Variants in DENND1A observed in about 807,000 individuals in gnomAD.
The protein encoded by DENND1A is DENN domain-containing protein 1A.
Under a neutral mutation model 113.7 loss-of-function variants are expected in DENND1A, and 51 were observed. That is an observed-to-expected ratio of 0.45 (90% CI 0.36 to 0.57). DENND1A has a LOEUF of 0.57. DENND1A is among the 20% of genes least tolerant of loss of function. The probability of loss-of-function intolerance (pLI) is 0.00; values close to 1 mark genes in which losing one functional copy is unlikely to be tolerated. For synonymous variants in DENND1A, 565 were observed against 570.8 expected, an observed-to-expected ratio of 0.99 and a Z score of 0.14; for missense variants, 1,258 against 1,395.9, an observed-to-expected ratio of 0.90 and a Z score of 1.57.
intron 19 of DENND1A, chr9:123,413,318 G>A (rs571493374): frequency 1.8e-4 from 117 of 664,668 alleles, no homozygotes; most frequent in Middle Eastern, 1.5e-3. Context: ...GGATATATTG[G>A]GTTCATTATA....
chr9:123,562,201 C>A (rs1027524527), intron 12 of DENND1A, among the ~76,000 whole-genome samples: 2 of 152,208 alleles, frequency 1.3e-5, no homozygotes, highest in Admixed American at 1.3e-4. Context: ...AGGCTGTCCT[C>A]CATCAGCCTC....
At chr9:123,616,690 CTG>C in intron 10 of DENND1A, among the ~76,000 whole-genome samples, 1 of 152,306 alleles carries the variant, frequency 6.6e-6, no homozygotes. Flanking sequence ...GGAAACAAGA[CTG>C]TGAGGTGTTT....
intron 2 of DENND1A, among the ~76,000 whole-genome samples, chr9:123,814,943 T>C (rs1401761699): frequency 1.3e-5 from 2 of 152,246 alleles, no homozygotes; most frequent in Admixed American, 6.5e-5. Context: ...ATGATAGTTT[T>C]GAGAGTTTAA....
At chr9:123,541,624 C>A (rs1349700237) in intron 13 of DENND1A, among the ~76,000 whole-genome samples, 1 of 152,202 alleles carries the variant, frequency 6.6e-6, no homozygotes, top group Non-Finnish European at 1.5e-5. Context: ...GGTCACATCA[C>A]TAACAGGGAC....
intron 5 of DENND1A, 80 bp from the exon 6 acceptor site, chr9:123,676,869 C>A (rs759418436): frequency 1.5e-6 from 2 of 1,349,892 alleles, no homozygotes; most frequent in East Asian, 4.6e-5. Flanking sequence ...AAGACTGATA[C>A]ATTTCAGTTT....
At chr9:123,440,946 A>G (rs914706978) in intron 18 of DENND1A, among the ~76,000 whole-genome samples, 2 of 152,208 alleles carry the variant, frequency 1.3e-5, no homozygotes, top group Non-Finnish European at 2.9e-5. Flanking sequence ...GAGCGGATAT[A>G]CAATAATTTA....
At chr9:123,478,410 T>C (rs2050082908) in intron 13 of DENND1A, among the ~76,000 whole-genome samples, 2 of 152,250 alleles carry the variant, frequency 1.3e-5, no homozygotes, top group Admixed American at 1.3e-4. Flanking sequence ...AGCAGTCTGG[T>C]TCCTGGGAAA....
intron 1 of DENND1A, among the ~76,000 whole-genome samples, chr9:123,911,604 C>T (rs1853978126): frequency 6.6e-6 from 1 of 152,174 alleles, no homozygotes; most frequent in South Asian, 2.1e-4. Context: ...AGAAGCCACA[C>T]CCATGAGCAT....
chr9:123,878,390 C>G (rs1847834790), intron 2 of DENND1A, among the ~76,000 whole-genome samples: 1 of 151,938 alleles, frequency 6.6e-6, no homozygotes, highest in Non-Finnish European at 1.5e-5. Context: ...GCACAAGATA[C>G]CCTGGTCCTT....
chr9:123,892,091 T>G (rs1849994926), intron 1 of DENND1A, among the ~76,000 whole-genome samples: 1 of 152,146 alleles, frequency 6.6e-6, no homozygotes, highest in Admixed American at 6.5e-5. Flanking sequence ...TCCAGAGATC[T>G]GCAAGAGCCC....
intron 1 of DENND1A, among the ~76,000 whole-genome samples, chr9:123,913,001 C>T (rs1854317458): frequency 6.6e-6 from 1 of 150,542 alleles, no homozygotes; most frequent in Middle Eastern, 3.2e-3. Context: ...CCTTGGATGT[C>T]AACGGAAGCA....
intron 19 of DENND1A, among the ~76,000 whole-genome samples, chr9:123,428,641 A>G (rs914289800): frequency 6.6e-6 from 1 of 152,234 alleles, no homozygotes; most frequent in Non-Finnish European, 1.5e-5. Flanking sequence ...ATGATCCTAT[A>G]TATAGAAAAC....
chr9:123,690,617 A>G lies in DENND1A; in HGVS notation c.303-13828T>C, dbSNP rs116977050. 5.9e-5 allele frequency among the ~76,000 whole-genome samples: 9 copies of G among 152,312 alleles called. No homozygotes were observed. The East Asian group carries it at 1.3e-3, about 23-fold the overall frequency. On this transcript the variant is annotated intron_variant, in intron 5 of 23. Coordinates refer to ENST00000394215, the MANE Select transcript of DENND1A (RefSeq NM_001352964.2). ...TTTTGTGTTTTCCTATATTCTCCAA[A>G]CTTTCTACAGTCTACATGTATTATT...
chr9:123,550,481 C>T (rs1284461716), intron 13 of DENND1A, among the ~76,000 whole-genome samples: 9 of 152,192 alleles, frequency 5.9e-5, no homozygotes, highest in Non-Finnish European at 1.3e-4. Context: ...ATGGGTTTTG[C>T]TCTTTAACCT....
chr9:123,759,126 T>C (rs2070825534), intron 4 of DENND1A: 1 of 152,200 alleles, frequency 6.6e-6, no homozygotes, highest in East Asian at 1.9e-4. Flanking sequence ...AGTTGTAAAA[T>C]GTCTAAAAAT....
chr9:123,897,343 G>A (rs1017219050), intron 1 of DENND1A, among the ~76,000 whole-genome samples: 1 of 152,188 alleles, frequency 6.6e-6, no homozygotes, highest in African/African-American at 2.4e-5. Context: ...TAACTTCCAA[G>A]AGAAGCTGGC....
At chr9:123,883,634 A>G (rs941131980) in intron 1 of DENND1A, among the ~76,000 whole-genome samples, 2 of 152,248 alleles carry the variant, frequency 1.3e-5, no homozygotes, top group Admixed American at 6.5e-5. Flanking sequence ...CATCATAAAC[A>G]TAGGGGATAC....
intron 11 of DENND1A, 43 bp from the exon 12 acceptor site, chr9:123,583,313 C>T: frequency 1.4e-6 from 2 of 1,453,162 alleles, no homozygotes; most frequent in East Asian, 2.3e-5. Context: ...CATTGAGGTG[C>T]CATCAAGACA....
chr9:123,718,231 T>C (rs1291620903), intron 5 of DENND1A, among the ~76,000 whole-genome samples: 1 of 152,220 alleles, frequency 6.6e-6, no homozygotes, highest in East Asian at 1.9e-4. Context: ...GACGTACTAA[T>C]GTAAAATGCA....
Sources: gnomAD v4.1 joint callset for allele counts (sites outside exome capture counted in the v4.1 genomes callset) on GRCh38, gnomAD v4.1.1 for gene constraint, MANE v1.5 for transcripts, NCBI Gene and HGNC (gene_info 2026-07-23, HGNC 2026-07-21) for gene names.